PRR16: variants seen among roughly 807,000 people sequenced by gnomAD.
PRR16 encodes proline rich 16, also known as protein Largen.
Under a neutral mutation model 18.2 loss-of-function variants are expected in PRR16, and 6 were observed. The ratio of observed to expected loss-of-function variants is 0.33; its 90% CI spans 0.18 to 0.65. PRR16 has a LOEUF of 0.65. Ranked by LOEUF, PRR16 falls within the 30% of genes least tolerant of loss-of-function variation. The probability of loss-of-function intolerance (pLI) is 0.74; values close to 1 mark genes in which losing one functional copy is unlikely to be tolerated. For missense variants in PRR16, 412 were observed against 376.6 expected, an observed-to-expected ratio of 1.09 and a Z score of -0.78; for synonymous variants, 151 against 147.8, an observed-to-expected ratio of 1.02 and a Z score of -0.16.
At chr5:120,764,432 T>G in the PRR16 span, among the ~76,000 whole-genome samples, 1 of 152,166 alleles carries the variant, frequency 6.6e-6, no homozygotes, top group African/African-American at 2.4e-5. Context: ...TTTAATTTTT[T>G]TTTAATGTGC....
At chr5:120,528,647 A>C (rs549332623) in intron 1 of PRR16, among the ~76,000 whole-genome samples, 1 of 152,144 alleles carries the variant, frequency 6.6e-6, no homozygotes, top group African/African-American at 2.4e-5. Flanking sequence ...CTCAATTTTA[A>C]GAGTACAAAG....
chr5:120,483,190 C>T (rs1580626245), intron 1 of PRR16, among the ~76,000 whole-genome samples: 1 of 152,146 alleles, frequency 6.6e-6, no homozygotes, highest in South Asian at 2.1e-4. Flanking sequence ...ACATGGTTTC[C>T]AGGGAAAAAA....
intron 1 of PRR16, among the ~76,000 whole-genome samples, chr5:120,680,966 G>T (rs955679235): frequency 6.6e-6 from 1 of 152,112 alleles, no homozygotes; most frequent in Admixed American, 6.6e-5. Context: ...CTTTGCTTAA[G>T]AAAGATTTGG....
chr5:120,704,826 A>G, the PRR16 span, among the ~76,000 whole-genome samples: 1 of 152,230 alleles, frequency 6.6e-6, no homozygotes, highest in Non-Finnish European at 1.5e-5. Context: ...GAGACAGTAT[A>G]TAGTCAGTAC....
At chr5:120,468,892 T>C (rs555787041) in intron 1 of PRR16, among the ~76,000 whole-genome samples, 3 of 152,230 alleles carry the variant, frequency 2.0e-5, no homozygotes, top group African/African-American at 7.2e-5. Flanking sequence ...GAAAAACATA[T>C]GTAAATAATT....
intron 1 of PRR16, among the ~76,000 whole-genome samples, chr5:120,647,900 G>A (rs1001161548): frequency 4.6e-5 from 7 of 152,046 alleles, no homozygotes; most frequent in Non-Finnish European, 8.8e-5. Flanking sequence ...TCTTGAGTTA[G>A]GGGCTAGCAG....
the PRR16 span, among the ~76,000 whole-genome samples, chr5:120,782,472 C>G: frequency 1.3e-5 from 2 of 152,284 alleles, no homozygotes. Flanking sequence ...TGACTAGGAT[C>G]TCAGCGCTTC....
the PRR16 span, among the ~76,000 whole-genome samples, chr5:120,697,681 G>C: frequency 6.6e-6 from 1 of 152,098 alleles, no homozygotes. Context: ...CCGTTTTATA[G>C]GATTTGGGTA....
At chr5:120,536,567 G>A (rs1036048293) in intron 1 of PRR16, among the ~76,000 whole-genome samples, 1 of 152,118 alleles carries the variant, frequency 6.6e-6, no homozygotes, top group Non-Finnish European at 1.5e-5. Context: ...ATATGTGAAT[G>A]AATGAAGAGA....
chr5:120,477,320 C>T (rs1749474599), intron 1 of PRR16, among the ~76,000 whole-genome samples: 1 of 149,874 alleles, frequency 6.7e-6, no homozygotes, highest in African/African-American at 2.5e-5. Context: ...CCCGGATCTC[C>T]CCCCTCCCAC....
rs111354524 is a variant in PRR16, at chr5:120,611,627, C to T, written c.160-74327C>T. 7.2e-3 allele frequency among the ~76,000 whole-genome samples: 1,094 copies of T among 152,308 alleles called. 15 individuals carry two copies. The highest frequency in any genetic ancestry group is 0.025 in the African/African-American group (1,031 of 41,576). ...CCATGTGGTGTTGAGCCTGCAAGTA[C>T]ACAGAAGTCAAGAATTGGGGTCTAG... On this transcript the variant is annotated intron_variant, in intron 1 of 1. Transcript: ENST00000407149.
the PRR16 span, among the ~76,000 whole-genome samples, chr5:120,784,918 G>T: frequency 0.015 from 2,336 of 152,260 alleles, 57 homozygotes; most frequent in African/African-American, 0.052. Flanking sequence ...CAGGTGTTAG[G>T]TGTATCTTTA....
At chr5:120,605,825 G>T (rs1484197080) in intron 1 of PRR16, among the ~76,000 whole-genome samples, 1 of 152,126 alleles carries the variant, frequency 6.6e-6, no homozygotes, top group Non-Finnish European at 1.5e-5. Context: ...ACCCTGGCAG[G>T]CTAGGACCAG....
At chr5:120,655,735 TTG>T (rs1554092415) in intron 1 of PRR16, among the ~76,000 whole-genome samples, 1 of 97,292 alleles carries the variant, frequency 1.0e-5, no homozygotes, top group Non-Finnish European at 2.0e-5. Context: ...CTTTTTTTTT[TTG>T]TTTTTTTTTT....
chr5:120,508,080 T>G (rs1186312331), intron 1 of PRR16, among the ~76,000 whole-genome samples: 2 of 152,106 alleles, frequency 1.3e-5, no homozygotes, highest in South Asian at 4.1e-4. Context: ...CCTAAGTATG[T>G]CATTGGCGGG....
intron 1 of PRR16, among the ~76,000 whole-genome samples, chr5:120,526,580 A>G (rs1751356540): frequency 6.6e-6 from 1 of 152,152 alleles, no homozygotes; most frequent in Non-Finnish European, 1.5e-5. Flanking sequence ...CATAATTGGT[A>G]GTAGAGCCAC....
intron 1 of PRR16, among the ~76,000 whole-genome samples, chr5:120,602,198 C>T (rs752348764): frequency 2.0e-5 from 3 of 151,898 alleles, no homozygotes; most frequent in South Asian, 2.1e-4. Flanking sequence ...TATTCATGAC[C>T]GTGGAATGTT....
the PRR16 span, among the ~76,000 whole-genome samples, chr5:120,704,158 G>C: frequency 6.6e-6 from 1 of 152,142 alleles, no homozygotes; most frequent in African/African-American, 2.4e-5. Context: ...TTTAAAAAAG[G>C]GGTATGGGAA....
chr5:120,774,830 T>C, the PRR16 span, among the ~76,000 whole-genome samples: 3 of 152,162 alleles, frequency 2.0e-5, no homozygotes, highest in African/African-American at 2.4e-5. Flanking sequence ...ATAAGCAAAA[T>C]ATTATGTACA....
Sources: gnomAD v4.1 joint callset for allele counts (sites outside exome capture counted in the v4.1 genomes callset) on GRCh38, gnomAD v4.1.1 for gene constraint, MANE v1.5 for transcripts, NCBI Gene and HGNC (gene_info 2026-07-23, HGNC 2026-07-21) for gene names.